MTCL1: variants seen among roughly 807,000 people sequenced by gnomAD.
MTCL1 encodes the protein microtubule crosslinking factor 1.
MTCL1 carries 79 observed loss-of-function variants against 141.4 expected under a neutral mutation model. That is an observed-to-expected ratio of 0.56 (90% CI 0.47 to 0.67). MTCL1 has a LOEUF of 0.67. Among genes scored for constraint, MTCL1 ranks in the 30% least tolerant of loss-of-function variants. The pLI is 0.00. For missense variants in MTCL1, 2,177 were observed against 2,113.9 expected (o/e 1.03, Z -0.59); for synonymous variants, 914 against 875.8 (o/e 1.04, Z -0.77).
At chr18:8,795,236 C>G (rs1219284351) in intron 8 of MTCL1, among the ~76,000 whole-genome samples, 1 of 152,186 alleles carries the variant, frequency 6.6e-6, no homozygotes, top group Non-Finnish European at 1.5e-5. Context: ...TGGTTCTATT[C>G]CCATGGCCTC....
At chr18:8,783,347 A>T (rs113019643) in intron 5 of MTCL1, among the ~76,000 whole-genome samples, 183 bp from the exon 5 acceptor site, 2,141 of 152,004 alleles carry the variant, frequency 0.014, 54 homozygotes, top group African/African-American at 0.047. Context: ...CCCCCTCCAC[A>T]AAGCCCCTGG....
intron 10 of MTCL1, 63 bp from the exon 10 acceptor site, chr18:8,806,830 C>T (rs1339840771): frequency 6.7e-7 from 1 of 1,494,346 alleles, no homozygotes; most frequent in East Asian, 2.5e-5. Context: ...CAGATCCTCT[C>T]CTCTTCTGAC....
chr18:8,831,346 C>T (rs1255143170), intron 16 of MTCL1: 1 of 1,299,530 alleles, frequency 7.7e-7, no homozygotes, highest in African/African-American at 1.5e-5. Flanking sequence ...TCTAAAGGAG[C>T]TTTGCAAGCT....
chr18:8,776,281 T>C (rs2096508168), intron 4 of MTCL1, among the ~76,000 whole-genome samples: 1 of 152,188 alleles, frequency 6.6e-6, no homozygotes, highest in Non-Finnish European at 1.5e-5. Flanking sequence ...TCCTTCTAGC[T>C]TTCCTCAGGA....
chr18:8,803,941 A>G (rs574485471), intron 10 of MTCL1, among the ~76,000 whole-genome samples: 120 of 152,334 alleles, frequency 7.9e-4, no homozygotes, highest in African/African-American at 2.6e-3. Context: ...CTGATACCAT[A>G]TGTAACTTGG....
upstream of MTCL1, chr18:8,705,609 C>CCGCCGCCGCCGCCGT (rs1387679120): frequency 2.5e-4 from 299 of 1,191,128 alleles, 1 homozygote; most frequent in East Asian, 5.9e-3. This position sits in a 1 kb window ranked among gnomAD's most constrained non-coding sequence, Gnocchi z 5.2. Flanking sequence ...GCCGCCGCCG[C>CCGCCGCCGCCGCCGT]CGTCGTCGTC....
rs201932131 is a variant in MTCL1, at chr18:8,825,300, T to C, written c.3790T>C (p.Ser1264Pro). 4 of 1,541,870 alleles carry C rather than the reference T, an allele frequency of 2.6e-6. No individual in the cohort carries two copies. In the East Asian group the frequency reaches 9.0e-5, roughly 35 times the overall value. The change falls in exon 15 of 17, where the codon TCC becomes CCC. Residue 1264 changes from serine to proline, a missense_variant. Transcript: ENST00000359865. ...CCCCCTTGATAGTCCCCTCTGTACC[T>C]CCCTGGGGTTTGCCTCCCCACTGCA...
At chr18:8,733,556 C>A (rs1598428076) in intron 4 of MTCL1, among the ~76,000 whole-genome samples, 1 of 152,104 alleles carries the variant, frequency 6.6e-6, no homozygotes, top group South Asian at 2.1e-4. Context: ...CAGATGCCTG[C>A]CACCACACCT....
At chr18:8,815,111 C>G (rs896940322) in intron 12 of MTCL1, among the ~76,000 whole-genome samples, 13 of 152,120 alleles carry the variant, frequency 8.5e-5, no homozygotes, top group African/African-American at 7.2e-5. Context: ...ACCCAGCCAT[C>G]CCATTACTGG....
chr18:8,825,922 G>A lies in MTCL1; in HGVS notation c.4412G>A (p.Arg1471His), dbSNP rs114846609. ...GGGCTGCGGGCCGGCAGTCGGTCTC[G>A]CTCAGCAGAGCCCCGACCAGAGCTG... The change falls in exon 15 of 17, where the codon CGC becomes CAC. Residue 1471 changes from arginine to histidine, a missense_variant. Physicochemically the swap from Arg to His is conservative, Grantham distance 29. Transcript: ENST00000359865. The A allele has an allele frequency of 2.0e-4, 325 of 1,608,634 alleles. No individual in the cohort carries two copies. The African/African-American group carries it at 3.1e-3, about 16-fold the overall frequency.
chr18:8,759,027 GTGGAGAGCATCC>G (rs1160671399), intron 4 of MTCL1, among the ~76,000 whole-genome samples: 8 of 152,254 alleles, frequency 5.3e-5, no homozygotes, highest in Non-Finnish European at 5.9e-5. Flanking sequence ...AGCAGGGGGT[GTGGAGAGCATCC>G]TGGAGGAAAA....
chr18:8,728,056 C>G lies in MTCL1; in HGVS notation c.357+7560C>G, dbSNP rs143946961. ...AACTAATCATTAGCTGTATTCTCCT[C>G]CTGAAGAATACAGCCATCTTAGAAA... On this transcript the variant is annotated intron_variant, in intron 4 of 16. Transcript: ENST00000359865. 2.6e-3 allele frequency among the ~76,000 whole-genome samples: 395 copies of G among 152,276 alleles called. 2 individuals are homozygous for G. The highest frequency in any genetic ancestry group is 0.015 in the South Asian group (70 of 4,818).
intron 16 of MTCL1, chr18:8,829,023 A>G: frequency 6.2e-7 from 1 of 1,613,202 alleles, no homozygotes; most frequent in Non-Finnish European, 8.5e-7. Flanking sequence ...TGTAACTCGC[A>G]GTTGGCACCT....
At chr18:8,741,334 C>T (rs999404732) in intron 4 of MTCL1, among the ~76,000 whole-genome samples, 2 of 152,214 alleles carry the variant, frequency 1.3e-5, no homozygotes, top group Admixed American at 1.3e-4. Context: ...TGGTTTCAGT[C>T]ATTCATCAAT....
chr18:8,716,834 A>G (rs947011773), upstream of MTCL1, among the ~76,000 whole-genome samples: 1 of 152,166 alleles, frequency 6.6e-6, no homozygotes, highest in Admixed American at 6.5e-5. Flanking sequence ...GAAACTATCA[A>G]TTATGAAACT....
upstream of MTCL1, among the ~76,000 whole-genome samples, chr18:8,713,946 A>T (rs116159395): frequency 2.9e-3 from 441 of 152,204 alleles, 2 homozygotes; most frequent in African/African-American, 1.0e-2. Flanking sequence ...CTGTCTCTTT[A>T]AAAAAAGCGG....
At chr18:8,757,335 A>G (rs1020627193) in intron 4 of MTCL1, among the ~76,000 whole-genome samples, 6 of 152,064 alleles carry the variant, frequency 3.9e-5, no homozygotes, top group Non-Finnish European at 8.8e-5. Flanking sequence ...AACATAGGAA[A>G]CCTCTTTTCC....
At chr18:8,805,531 G>A (rs1346001675) in intron 10 of MTCL1, among the ~76,000 whole-genome samples, 1 of 152,128 alleles carries the variant, frequency 6.6e-6, no homozygotes, top group African/African-American at 2.4e-5. Flanking sequence ...CCATTTTTGT[G>A]TATGTTTAGT....
At chr18:8,741,440 G>C (rs2096302737) in intron 4 of MTCL1, among the ~76,000 whole-genome samples, 1 of 152,158 alleles carries the variant, frequency 6.6e-6, no homozygotes, top group Non-Finnish European at 1.5e-5. Context: ...AGTGTTTAAA[G>C]GATGGGTTTC....
Sources: gnomAD v4.1 joint callset for allele counts (sites outside exome capture counted in the v4.1 genomes callset) on GRCh38, gnomAD v4.1.1 for gene constraint, Gnocchi (gnomAD v3.1) non-coding constraint, MANE v1.5 for transcripts, NCBI Gene and HGNC (gene_info 2026-07-23, HGNC 2026-07-21) for gene names.